The following TARM1 variants were observed in gnomAD, a reference collection of about 807,000 sequenced individuals.
TARM1 encodes T cell-interacting, activating receptor on myeloid cells 1.
Under a neutral mutation model 30.4 loss-of-function variants are expected in TARM1, and 24 were observed. That is an observed-to-expected ratio of 0.79 (90% CI 0.57 to 1.11). TARM1 has a LOEUF of 1.11. TARM1 is among the 50% of genes least tolerant of loss of function. The pLI is 0.00. For synonymous variants in TARM1, 129 were observed against 138.9 expected, an observed-to-expected ratio of 0.93 and a Z score of 0.50; for missense variants, 323 against 332.8, an observed-to-expected ratio of 0.97 and a Z score of 0.23.
At chr19:54,071,804 T>C (rs1345498197) in intron 4 of TARM1, among the ~76,000 whole-genome samples, 7 of 151,484 alleles carry the variant, frequency 4.6e-5, no homozygotes, top group African/African-American at 1.7e-4. Context: ...ACACTCCAGC[T>C]TGGGCGACAG....
intron 4 of TARM1, among the ~76,000 whole-genome samples, chr19:54,073,407 CAAAAAAAAAAAAAAAAAAA>C (rs745643672): frequency 4.5e-5 from 3 of 66,082 alleles, no homozygotes; most frequent in Admixed American, 2.6e-4. Flanking sequence ...GACTCCATTT[CAAAAAAAAAAAAAAAAAAA>C]AAAAAGGCAA....
chr19:54,076,227 C>T (rs2071946569), intron 1 of TARM1: 3 of 1,514,348 alleles, frequency 2.0e-6, no homozygotes, highest in Non-Finnish European at 2.6e-6. Context: ...CCATTTCTTT[C>T]TTTCTTTCTT....
Position 54,074,015 on chromosome 19 carries a change from G to T in TARM1, c.563C>A (p.Ala188Asp), listed in dbSNP as rs1202580403. The T allele has an allele frequency of 1.9e-6, 3 of 1,551,652 alleles. No individual in the cohort carries two copies. Among genetic ancestry groups the T allele is most frequent in the East Asian group, 4.9e-5 (2 of 40,906 alleles). The change falls in exon 4 of 5, where the codon GCC (alanine) becomes GAC (aspartate). Residue 188 changes from alanine (A) to aspartate (D), a missense_variant. By Grantham distance (126) the Ala-to-Asp change is moderately radical. Coordinates refer to ENST00000432826, the MANE Select transcript of TARM1 (RefSeq NM_001135686.3). ...GCAGCTGTAGTTCCCAGCATCGCCGGCTGTCACGTCCACCAGAGAGAAGTC... is the reference window on the plus strand; with the variant it reads ...GCAGCTGTAGTTCCCAGCATCGCCGTCTGTCACGTCCACCAGAGAGAAGTC... Reference protein sequence around the residue: ...EIDFSLVDVTAGDAGNYSCMY... With the variant: ...EIDFSLVDVTDGDAGNYSCMY...
chr19:54,073,498 TG>T, intron 4 of TARM1, among the ~76,000 whole-genome samples: 1 of 151,722 alleles, frequency 6.6e-6, no homozygotes, highest in African/African-American at 2.4e-5. Context: ...TTTTGTTTTT[TG>T]TTTTTTGTTT....
chr19:54,080,114 AG>A (rs2072068432), intron 1 of TARM1, among the ~76,000 whole-genome samples: 52 of 33,078 alleles, frequency 1.6e-3, no homozygotes, highest in Non-Finnish European at 2.5e-3. Context: ...GAAGGAAGGA[AG>A]GAAGGAAGGA....
chr19:54,080,504 A>AAGGAAGGAAGGG (rs1363652135), intron 1 of TARM1, among the ~76,000 whole-genome samples: 5 of 78,208 alleles, frequency 6.4e-5, no homozygotes, highest in African/African-American at 3.3e-4. Context: ...GGGAGGAAGG[A>AAGGAAGGAAGGG]AGGAAGGAAG....
intron 1 of TARM1, among the ~76,000 whole-genome samples, chr19:54,080,503 GA>G: frequency 1.3e-5 from 1 of 75,424 alleles, no homozygotes; most frequent in Non-Finnish European, 2.6e-5. Context: ...AGGGAGGAAG[GA>G]AGGAAGGAAG....
chr19:54,074,836 G>C lies in TARM1; in HGVS notation c.349C>G (p.Leu117Val). The change falls in exon 3 of 5, where the codon CTG (leucine) becomes GTG (valine). Residue 117 changes from leucine (L) to valine (V), a missense_variant. Leu to Val is a conservative substitution (Grantham distance 32, BLOSUM62 1). Coordinates refer to ENST00000432826, the MANE Select transcript of TARM1 (RefSeq NM_001135686.3). ...ACCCTGTCTGTACCTGTCACCAACA[G>C]TAGAAGGACGTCACTGTGCTGTGAA... is the stretch of plus-strand genomic sequence containing the variant. The part of the protein sequence containing the change: ...ILSQHSDVLL[L>V]LVTGHLSKPF... 1 of 1,551,482 alleles carries C rather than the reference G, an allele frequency of 6.4e-7. No individual in the cohort carries two copies. The highest frequency in any genetic ancestry group is 8.7e-7 in the Non-Finnish European group (1 of 1,146,868).
chr19:54,074,101 A>G lies in TARM1; in HGVS notation c.477T>C (p.Ala159=). ...GTGATGGCGTCCCTGCCTTCAGTAG[A>G]GCGAACATGATAGGCACAAACAATT... ...RDQLFVPIMF[A]LLKAGTPSPI... is the part of the protein sequence containing the mutation. The change falls in exon 4 of 5, where the codon GCT becomes GCC. Residue 159 remains alanine, a synonymous_variant. Transcript: ENST00000432826. 1 of 1,551,682 alleles carries G rather than the reference A, an allele frequency of 6.4e-7. No homozygotes were observed. Among genetic ancestry groups the G allele is most frequent in the Non-Finnish European group, 8.7e-7 (1 of 1,146,994 alleles).
At chr19:54,070,512 A>G (rs2071785701) in intron 4 of TARM1, among the ~76,000 whole-genome samples, 1 of 151,106 alleles carries the variant, frequency 6.6e-6, no homozygotes, top group Non-Finnish European at 1.5e-5. Flanking sequence ...CGCCCACCTC[A>G]GCCTCCCAAA....
intron 4 of TARM1, among the ~76,000 whole-genome samples, chr19:54,071,207 C>G (rs561729563): frequency 3.9e-4 from 60 of 152,294 alleles, no homozygotes; most frequent in African/African-American, 1.4e-3. Flanking sequence ...ATTCGCCTGC[C>G]TCGGCCTCCC....
Position 54,075,406 on chromosome 19 carries a change from G to A in TARM1, c.71-292C>T, listed in dbSNP as rs587737499. Among the ~76,000 whole-genome samples, 6 of 151,538 alleles carry A rather than the reference G, an allele frequency of 4.0e-5. No homozygotes were observed. The South Asian group carries it at 1.0e-3, about 26-fold the overall frequency. On this transcript the variant is annotated intron_variant, in intron 2 of 4. Transcript: ENST00000432826. ...TCACCATGTTGGCCAGGCTGGTCTC[G>A]AACTCCTGACCTCAGGTGATCCACC...
chr19:54,076,274 ATTCATTCTTTCT>A, intron 1 of TARM1: 1 of 1,404,824 alleles, frequency 7.1e-7, no homozygotes, highest in Non-Finnish European at 9.5e-7. Flanking sequence ...TCTTTCTTTC[ATTCATTCTTTCT>A]TTCATTCATT....
chr19:54,073,366 G>A (rs1426483882), intron 4 of TARM1, among the ~76,000 whole-genome samples: 11 of 116,064 alleles, frequency 9.5e-5, no homozygotes, highest in Non-Finnish European at 1.8e-4. Context: ...CGAAGATCGC[G>A]CCATTGCACT....
intron 3 of TARM1, among the ~76,000 whole-genome samples, chr19:54,074,528 C>A (rs2071895871): frequency 6.6e-6 from 1 of 152,106 alleles, no homozygotes; most frequent in Admixed American, 6.6e-5. Flanking sequence ...ACTAAAAATA[C>A]AAAAATTAGC....
intron 1 of TARM1, chr19:54,076,365 T>C: frequency 1.3e-6 from 1 of 778,356 alleles, no homozygotes; most frequent in Middle Eastern, 3.8e-4. Context: ...ATTCTTTCTT[T>C]CTTTCATTCA....
chr19:54,079,708 C>A (rs972031878), intron 1 of TARM1, among the ~76,000 whole-genome samples: 1 of 151,570 alleles, frequency 6.6e-6, no homozygotes, highest in South Asian at 2.1e-4. Flanking sequence ...AAAAATTACA[C>A]GGGGCACTGT....
Position 54,073,542 on chromosome 19 carries a change from G to A in TARM1, c.658+378C>T, listed in dbSNP as rs773398205. 4.6e-5 allele frequency among the ~76,000 whole-genome samples: 7 copies of A among 151,480 alleles called. No individual in the cohort carries two copies. The South Asian group carries it at 1.0e-3, about 23-fold the overall frequency. On this transcript the variant is annotated intron_variant, in intron 4 of 4. Transcript: ENST00000432826. ...AGAGTCTCACTCTATTGCCCAGGCT[G>A]GAGTGCAGTGGCAAGATCTTGGCTC... is the stretch of plus-strand genomic sequence containing the variant.
chr19:54,070,267 T>G (rs951381672), intron 4 of TARM1, 107 bp from the exon 5 acceptor site: 3 of 1,431,710 alleles, frequency 2.1e-6, no homozygotes, highest in Non-Finnish European at 1.8e-6. Flanking sequence ...TTCGGTTTTT[T>G]GGTTTTTTTT....
Sources: gnomAD v4.1 joint callset for allele counts (sites outside exome capture counted in the v4.1 genomes callset) on GRCh38, gnomAD v4.1.1 for gene constraint, MANE v1.5 for transcripts, NCBI Gene and HGNC (gene_info 2026-07-23, HGNC 2026-07-21) for gene names.